LDLRAD4: variants seen among roughly 807,000 people sequenced by gnomAD.
LDLRAD4 encodes low density lipoprotein receptor class A domain containing 4, also known as low-density lipoprotein receptor class A domain-containing protein 4.
In LDLRAD4, 5 loss-of-function variants were observed where a neutral mutation model predicts 17.0. That is an observed-to-expected ratio of 0.29 (90% CI 0.15 to 0.62). The LOEUF (loss-of-function observed/expected upper bound fraction) is 0.62. LDLRAD4 is among the 20% of genes least tolerant of loss of function. The pLI is 0.84. For synonymous variants in LDLRAD4, 168 were observed against 171.8 expected, an observed-to-expected ratio of 0.98 and a Z score of 0.17; for missense variants, 340 against 424.7, an observed-to-expected ratio of 0.80 and a Z score of 1.75.
intron 1 of LDLRAD4, among the ~76,000 whole-genome samples, chr18:13,280,485 G>A (rs895799481): frequency 3.3e-5 from 5 of 152,226 alleles, no homozygotes; most frequent in Admixed American, 6.5e-5. Context: ...GGGATTGGAG[G>A]AAAATAGCAG....
chr18:13,563,735 C>T (rs2148241830), intron 3 of LDLRAD4, among the ~76,000 whole-genome samples: 2 of 152,260 alleles, frequency 1.3e-5, no homozygotes, highest in South Asian at 4.1e-4. Context: ...CTGGCAAATG[C>T]CTGGCCCCAC....
At chr18:13,529,489 G>A (rs1160539937) in intron 3 of LDLRAD4, among the ~76,000 whole-genome samples, 2 of 152,202 alleles carry the variant, frequency 1.3e-5, no homozygotes, top group Admixed American at 6.5e-5. Context: ...CGCGGTGCAA[G>A]ACTTTTAGAA....
intron 4 of LDLRAD4, among the ~76,000 whole-genome samples, chr18:13,640,544 G>A (rs542310210): frequency 1.3e-5 from 2 of 152,272 alleles, no homozygotes; most frequent in African/African-American, 4.8e-5. Flanking sequence ...GAACCTCAGG[G>A]CAGAACACCT....
At chr18:13,346,934 C>T (rs573767403) in intron 1 of LDLRAD4, among the ~76,000 whole-genome samples, 1 of 152,294 alleles carries the variant, frequency 6.6e-6, no homozygotes, top group Non-Finnish European at 1.5e-5. Context: ...GTAGATCTTC[C>T]TCCATCCCTT....
At chr18:13,475,963 C>T (rs1353828178) in intron 3 of LDLRAD4, among the ~76,000 whole-genome samples, 1 of 152,174 alleles carries the variant, frequency 6.6e-6, no homozygotes, top group Non-Finnish European at 1.5e-5. Context: ...CCCAGGAGAT[C>T]GGCCTCATTG....
chr18:13,540,205 A>G (rs2147933319), intron 3 of LDLRAD4, among the ~76,000 whole-genome samples: 1 of 152,386 alleles, frequency 6.6e-6, no homozygotes, highest in African/African-American at 2.4e-5. Flanking sequence ...TAAAAAATAC[A>G]AGTTTTAAAA....
chr18:13,642,491 A>T, intron 4 of LDLRAD4: 1 of 1,216,554 alleles, frequency 8.2e-7, no homozygotes, highest in Non-Finnish European at 1.0e-6. Flanking sequence ...AACGTTTTTG[A>T]AAAAGGATGC....
At chr18:13,446,083 T>G (rs770715578) in intron 3 of LDLRAD4, among the ~76,000 whole-genome samples, 5 of 152,228 alleles carry the variant, frequency 3.3e-5, no homozygotes, top group Admixed American at 6.5e-5. Context: ...GAGGGTCCAC[T>G]GCTTCCTGGG....
chr18:13,460,548 A>G (rs1318152698), intron 3 of LDLRAD4, among the ~76,000 whole-genome samples: 1 of 152,240 alleles, frequency 6.6e-6, no homozygotes, highest in African/African-American at 2.4e-5. Context: ...TGACGAAGCC[A>G]TGTGTCTGTT....
chr18:13,475,829 G>A (rs760989475), intron 3 of LDLRAD4, among the ~76,000 whole-genome samples: 1 of 152,182 alleles, frequency 6.6e-6, no homozygotes, highest in Non-Finnish European at 1.5e-5. Flanking sequence ...CAAGGACAAT[G>A]GTGTAGAAAG....
At chr18:13,497,488 C>G (rs898782966) in intron 3 of LDLRAD4, among the ~76,000 whole-genome samples, 1 of 151,840 alleles carries the variant, frequency 6.6e-6, no homozygotes, top group African/African-American at 2.4e-5. Context: ...AAAAGGGTGG[C>G]TCTTGTAGTG....
At chr18:13,290,719 A>G (rs1409687319) in intron 1 of LDLRAD4, among the ~76,000 whole-genome samples, 2 of 152,238 alleles carry the variant, frequency 1.3e-5, no homozygotes, top group Non-Finnish European at 2.9e-5. Flanking sequence ...ACTAAAGTAG[A>G]AGTCAGGTGC....
intron 4 of LDLRAD4, among the ~76,000 whole-genome samples, chr18:13,627,507 C>T (rs964473661): frequency 5.3e-5 from 8 of 152,192 alleles, no homozygotes; most frequent in African/African-American, 1.9e-4. Flanking sequence ...AAATTTTCTT[C>T]TGCACTCAGG....
At chr18:13,382,660 T>A (rs1304742777) in intron 1 of LDLRAD4, 1 of 152,360 alleles carries the variant, frequency 6.6e-6, no homozygotes, top group East Asian at 1.9e-4. Context: ...TGTGTGCGTG[T>A]GTGTGTAGAA....
At chr18:13,521,250 A>C (rs2093949009) in intron 3 of LDLRAD4, 1 of 152,114 alleles carries the variant, frequency 6.6e-6, no homozygotes, top group South Asian at 2.1e-4. Flanking sequence ...AACACTTGGG[A>C]ATTGTTCTGT....
intron 1 of LDLRAD4, among the ~76,000 whole-genome samples, chr18:13,282,518 G>A (rs111763448): frequency 1.4e-4 from 22 of 152,268 alleles, no homozygotes; most frequent in East Asian, 5.8e-4. Flanking sequence ...AAAATCCAGC[G>A]AGGCAGTCAG....
In LDLRAD4 at chr18:13,588,289, C is replaced by G. The variant is rs187229753; in HGVS notation, c.182-32828C>G. ...TTGGGAGGGGCTTTCTTCTCCTTCT[C>G]CTTTTCAATAATTTCATCTTGAACC... On this transcript the variant is annotated intron_variant, in intron 3 of 5. Transcript: ENST00000359446. 3.9e-5 allele frequency among the ~76,000 whole-genome samples: 6 copies of G among 152,280 alleles called. No individual in the cohort carries two copies. In the East Asian group the frequency reaches 1.2e-3, roughly 29 times the overall value.
rs560176505 is a variant in LDLRAD4, at chr18:13,422,018, C to T, written c.41-16226C>T. On this transcript the variant is annotated intron_variant, in intron 2 of 5. Transcript: ENST00000359446. ...TCATTACACACCAGTTACGGAACTC[C>T]CCCGGGGAGGAGCTCTGTTTCAAAT... Among the ~76,000 whole-genome samples, 4 of 152,360 alleles carry T rather than the reference C, an allele frequency of 2.6e-5. No homozygotes were observed. The South Asian group carries it at 8.3e-4, about 32-fold the overall frequency.
chr18:13,506,971 C>T (rs763811521), intron 3 of LDLRAD4, among the ~76,000 whole-genome samples: 6 of 152,114 alleles, frequency 3.9e-5, no homozygotes, highest in Non-Finnish European at 5.9e-5. Context: ...TCACAGATAC[C>T]GTGTTTTTTA....
Sources: allele counts gnomAD v4.1 joint callset (sites outside exome capture counted in the v4.1 genomes callset), GRCh38; gene constraint gnomAD v4.1.1; transcripts MANE v1.5; gene names NCBI Gene and HGNC (gene_info 2026-07-23, HGNC 2026-07-21).